Variants in CUBN observed in about 807,000 individuals in gnomAD.
CUBN encodes the protein cubilin.
CUBN carries 282 observed loss-of-function variants against 405.3 expected under a neutral mutation model. The observed-to-expected ratio is 0.70, with a 90% CI of 0.63 to 0.77. The LOEUF (loss-of-function observed/expected upper bound fraction) is 0.77. Among genes scored for constraint, CUBN ranks in the 30% least tolerant of loss-of-function variants. CUBN has a pLI of 0.00. For synonymous variants in CUBN, 1,684 were observed against 1,617.0 expected (o/e 1.04, Z -0.99); for missense variants, 4,514 against 4,475.2 (o/e 1.01, Z -0.25).
chr10:17,011,611 C>A (rs754664538), intron 28 of CUBN, among the ~76,000 whole-genome samples: 7 of 152,168 alleles, frequency 4.6e-5, no homozygotes, highest in Non-Finnish European at 7.3e-5. Flanking sequence ...GTTGCCGCTG[C>A]TAGCTCGGGT....
chr10:16,851,028 T>G (rs1451384147), intron 60 of CUBN, among the ~76,000 whole-genome samples: 1 of 152,186 alleles, frequency 6.6e-6, no homozygotes, highest in Non-Finnish European at 1.5e-5. Context: ...CACAAAATAT[T>G]TGAGTCACCC....
chr10:17,084,414 A>G lies in CUBN; in HGVS notation c.2158T>C (p.Phe720Leu), dbSNP rs1261709862. 6.2e-7 allele frequency: 1 copy of G among 1,613,954 alleles called. No homozygotes were observed. The highest frequency in any genetic ancestry group is 8.5e-7 in the Non-Finnish European group (1 of 1,180,014). Residue 720 changes from phenylalanine (F) to leucine (L), a missense_variant, in exon 17 of 67, where the codon TTC (phenylalanine) becomes CTC (leucine). Transcript: ENST00000377833. Reference sequence around the variant, plus strand: ...AAAGGCCCAGACAACTCAGGCAAGAAGAGTTCACCCTCTGGGTCCGTGTAG... The same window carrying G: ...AAAGGCCCAGACAACTCAGGCAAGAGGAGTTCACCCTCTGGGTCCGTGTAG... ...GNYTDPEGELFLPELSGPFTH... is the reference protein window; with the variant it reads ...GNYTDPEGELLLPELSGPFTH...
At chr10:16,997,690 G>A (rs781225653) in intron 28 of CUBN, among the ~76,000 whole-genome samples, 9 of 152,166 alleles carry the variant, frequency 5.9e-5, no homozygotes, top group Non-Finnish European at 1.0e-4. Flanking sequence ...GGGAGGGTGG[G>A]GAAGTGGACA....
chr10:16,917,817 T>C (rs1218606832), intron 45 of CUBN, among the ~76,000 whole-genome samples: 1 of 152,194 alleles, frequency 6.6e-6, no homozygotes, highest in Non-Finnish European at 1.5e-5. Context: ...ATTAGGCAAA[T>C]AGACTTATTT....
chr10:16,913,840 G>A lies in CUBN; in HGVS notation c.7504C>T (p.His2502Tyr). 6.2e-7 allele frequency: 1 copy of A among 1,613,988 alleles called. No homozygotes were observed. The highest frequency in any genetic ancestry group is 8.5e-7 in the Non-Finnish European group (1 of 1,180,036). ...LMFNNLRLATHPSCNNEHVIV... is the reference protein window; with the variant it reads ...LMFNNLRLATYPSCNNEHVIV... The stretch of plus-strand genomic sequence containing the variant: ...ACATGCTCATTGTTGCAGGACGGAT[G>A]CGTGGCCAGCCTCAGGTTGTTAAAC... The change falls in exon 48 of 67, where the codon CAT becomes TAT. Residue 2502 changes from histidine (H) to tyrosine (Y), a missense_variant. Around this residue, in one of 5 missense-constraint regions of CUBN, gnomAD observed 1,613 missense variants for 1,542.8 expected, o/e 1.05. Coordinates refer to ENST00000377833, the MANE Select transcript of CUBN (RefSeq NM_001081.4).
chr10:16,868,451 T>A (rs1840250577), intron 59 of CUBN, among the ~76,000 whole-genome samples: 3 of 152,152 alleles, frequency 2.0e-5, no homozygotes, highest in Non-Finnish European at 4.4e-5. Context: ...TTTTTCTGAG[T>A]CTTCACAGAG....
At chr10:17,002,107 T>C (rs777396482) in intron 28 of CUBN, among the ~76,000 whole-genome samples, 2 of 152,212 alleles carry the variant, frequency 1.3e-5, no homozygotes, top group African/African-American at 2.4e-5. Context: ...TGGCAACATT[T>C]AAGTCAATGG....
At chr10:16,999,434 T>G (rs1833820692) in intron 28 of CUBN, among the ~76,000 whole-genome samples, 1 of 152,252 alleles carries the variant, frequency 6.6e-6, no homozygotes, top group Non-Finnish European at 1.5e-5. Context: ...AGCTACTAAT[T>G]TCAATCAAAT....
chr10:16,991,194 G>T (rs1443252602), intron 28 of CUBN, among the ~76,000 whole-genome samples: 1 of 152,224 alleles, frequency 6.6e-6, no homozygotes, highest in Non-Finnish European at 1.5e-5. Flanking sequence ...ATCAAATGCT[G>T]TAGCCTGCGG....
At chr10:16,933,914 C>T (rs1019910812) in intron 39 of CUBN, among the ~76,000 whole-genome samples, 20 of 152,316 alleles carry the variant, frequency 1.3e-4, no homozygotes, top group Admixed American at 6.5e-4. Context: ...TGATTGTTTT[C>T]GGCAAAGACC....
At chr10:16,899,823 A>C (rs1247366292) in intron 53 of CUBN, among the ~76,000 whole-genome samples, 1 of 152,208 alleles carries the variant, frequency 6.6e-6, no homozygotes, top group East Asian at 1.9e-4. Flanking sequence ...TTCTCACTTC[A>C]ATAACAGCCA....
chr10:16,835,231 T>C (rs1363885717), intron 63 of CUBN, 36 bp from the exon 64 acceptor site: 3 of 1,515,150 alleles, frequency 2.0e-6, no homozygotes, highest in South Asian at 1.1e-5. Context: ...ATGTACGCAT[T>C]CCAATATTTA....
At chr10:16,832,360 A>C (rs1839031097) in intron 64 of CUBN, among the ~76,000 whole-genome samples, 1 of 152,248 alleles carries the variant, frequency 6.6e-6, no homozygotes, top group Admixed American at 6.5e-5. Context: ...TGGTATCTTA[A>C]GTCACAAAGT....
chr10:17,125,978 T>C (rs1245880172), intron 4 of CUBN, among the ~76,000 whole-genome samples: 2 of 152,206 alleles, frequency 1.3e-5, no homozygotes, highest in Admixed American at 6.5e-5. Context: ...GCCAGAATGG[T>C]GGGACCTGCC....
chr10:16,966,064 G>T (rs1044591332), intron 31 of CUBN: 3 of 459,848 alleles, frequency 6.5e-6, no homozygotes, highest in African/African-American at 4.0e-5. Flanking sequence ...GATATTCACG[G>T]TCTCCAAGAA....
chr10:17,084,546 C>CCACACACA, intron 16 of CUBN, 85 bp from the exon 17 acceptor site: 1 of 914,910 alleles, frequency 1.1e-6, no homozygotes. Flanking sequence ...AAAAATTTAC[C>CCACACACA]CACACACACA....
chr10:16,862,897 T>A (rs1000298713), intron 59 of CUBN, among the ~76,000 whole-genome samples: 2 of 152,262 alleles, frequency 1.3e-5, no homozygotes, highest in African/African-American at 4.8e-5. Context: ...TAATTTACCA[T>A]TAACTCAATT....
intron 66 of CUBN, among the ~76,000 whole-genome samples, chr10:16,826,727 T>C (rs976425672): frequency 1.3e-5 from 2 of 152,204 alleles, no homozygotes; most frequent in Admixed American, 1.3e-4. Context: ...TGGCCGTCAC[T>C]TCTCTCAGTG....
chr10:16,929,021 C>T (rs1269847610), intron 40 of CUBN, among the ~76,000 whole-genome samples: 2 of 151,442 alleles, frequency 1.3e-5, no homozygotes, highest in Non-Finnish European at 2.9e-5. Flanking sequence ...AAACAGTTGG[C>T]TCTTTGACCT....
Sources: allele counts gnomAD v4.1 joint callset (sites outside exome capture counted in the v4.1 genomes callset), GRCh38; gene constraint gnomAD v4.1.1; regional missense constraint gnomAD v4.1.1; transcripts MANE v1.5; gene names NCBI Gene and HGNC (gene_info 2026-07-23, HGNC 2026-07-21).